The following DNAH9 variants were observed in gnomAD, a reference collection of about 807,000 sequenced individuals.
DNAH9 encodes the protein DNAH9 variant protein.
In DNAH9, 345 loss-of-function variants were observed where a neutral mutation model predicts 471.6. The observed-to-expected ratio is 0.73, with a 90% CI of 0.67 to 0.80. DNAH9 has a LOEUF of 0.80. Ranked by LOEUF, DNAH9 falls within the 30% of genes least tolerant of loss-of-function variation. The pLI, the probability that DNAH9 is intolerant of heterozygous loss-of-function variation, is 0.00. For synonymous variants in DNAH9, 2,093 were observed against 2,123.6 expected (o/e 0.99, Z 0.40); for missense variants, 5,407 against 5,609.2 (o/e 0.96, Z 1.15).
chr17:11,612,311 C>A, intron 4 of DNAH9: 1 of 204,160 alleles, frequency 4.9e-6, no homozygotes, highest in East Asian at 1.2e-4. Context: ...GGCTGGGACC[C>A]CTCATTAACT....
At chr17:11,864,819 G>C (rs11651144) in intron 50 of DNAH9, among the ~76,000 whole-genome samples, 70,407 of 150,446 alleles carry the variant, frequency 0.47, 17,005 homozygotes, top group Non-Finnish European at 0.53. Context: ...TTTAAAGTCT[G>C]TTTTATCAGA....
intron 1 of DNAH9, 68 bp downstream of exon 1, chr17:11,598,983 A>T: frequency 3.7e-6 from 3 of 808,186 alleles, no homozygotes; most frequent in Non-Finnish European, 3.3e-6. Flanking sequence ...GCCTTAAGGG[A>T]CGGAGGCGGG....
At chr17:11,723,503 T>C (rs1284013158) in intron 27 of DNAH9, 1 of 151,666 alleles carries the variant, frequency 6.6e-6, no homozygotes, top group African/African-American at 2.4e-5. Flanking sequence ...TACTTTAGGG[T>C]CCTGGGGTTC....
In DNAH9 at chr17:11,716,880, G is replaced by T. The variant is rs144916591; in HGVS notation, c.5553-2454G>T. 4.4e-3 allele frequency among the ~76,000 whole-genome samples: 675 copies of T among 152,332 alleles called. 3 individuals carry two copies. Among genetic ancestry groups the T allele is most frequent in the Non-Finnish European group, 7.8e-3 (529 of 68,024 alleles). On this transcript the variant is annotated intron_variant, in intron 26 of 68. Coordinates refer to ENST00000262442, the MANE Select transcript of DNAH9 (RefSeq NM_001372.4). ...AGACAGCTTGTCCTCCTGGGAGGCA[G>T]GGGGCCATGGCAGGCCCTGAGCAGT...
At chr17:11,828,301 T>A (rs765095374) in intron 48 of DNAH9, among the ~76,000 whole-genome samples, 5 of 151,848 alleles carry the variant, frequency 3.3e-5, no homozygotes, top group Non-Finnish European at 5.9e-5. Context: ...TGGTGAAACC[T>A]TGTCTCCACA....
At chr17:11,600,531 T>C (rs1245250661) in intron 1 of DNAH9, among the ~76,000 whole-genome samples, 1 of 152,184 alleles carries the variant, frequency 6.6e-6, no homozygotes, top group Non-Finnish European at 1.5e-5. Flanking sequence ...GAATTTTCAT[T>C]GGTGCATTGA....
At chr17:11,949,266 T>C (rs966639387) in intron 67 of DNAH9, among the ~76,000 whole-genome samples, 1 of 152,192 alleles carries the variant, frequency 6.6e-6, no homozygotes, top group African/African-American at 2.4e-5. Context: ...CAGAGTTTCA[T>C]TGCAATGCCA....
chr17:11,866,499 C>T (rs866811428), intron 50 of DNAH9, among the ~76,000 whole-genome samples: 100 of 152,244 alleles, frequency 6.6e-4, no homozygotes, highest in Non-Finnish European at 9.1e-4. Context: ...GCAGTCTGCC[C>T]GTTCTCAGAT....
intron 61 of DNAH9, among the ~76,000 whole-genome samples, chr17:11,908,198 A>G (rs1418438964): frequency 1.3e-5 from 2 of 152,188 alleles, no homozygotes; most frequent in Non-Finnish European, 2.9e-5. Flanking sequence ...CTGTATTTTC[A>G]TCTGAGTTTG....
chr17:11,600,488 A>G (rs1176782473), intron 1 of DNAH9, among the ~76,000 whole-genome samples: 2 of 152,202 alleles, frequency 1.3e-5, no homozygotes, highest in Non-Finnish European at 2.9e-5. Context: ...AAGAAAAATA[A>G]TTTTAAAATA....
intron 49 of DNAH9, among the ~76,000 whole-genome samples, chr17:11,837,878 GACCTTTGA>G (rs1341446462): frequency 6.6e-6 from 1 of 152,112 alleles, no homozygotes; most frequent in African/African-American, 2.4e-5. Flanking sequence ...CTCACCCCAG[GACCTTTGA>G]ACTAGTGCTT....
intron 17 of DNAH9, 148 bp downstream of exon 17, chr17:11,669,942 C>T: frequency 2.8e-6 from 2 of 707,698 alleles, no homozygotes; most frequent in South Asian, 1.8e-5. Flanking sequence ...TTTTGGACAC[C>T]ATGGTAACTT....
At chr17:11,928,679 G>T (rs1974406433) in intron 62 of DNAH9, among the ~76,000 whole-genome samples, 1 of 152,206 alleles carries the variant, frequency 6.6e-6, no homozygotes, top group South Asian at 2.1e-4. Flanking sequence ...AGCCTTGTTT[G>T]GTCTTTGAGC....
chr17:11,760,426 G>T (rs1408892911), intron 35 of DNAH9, among the ~76,000 whole-genome samples: 2 of 152,110 alleles, frequency 1.3e-5, no homozygotes, highest in Non-Finnish European at 2.9e-5. Context: ...TGAATATTCT[G>T]ACTGTATTAA....
intron 49 of DNAH9, among the ~76,000 whole-genome samples, chr17:11,842,695 T>A (rs1971073293): frequency 6.6e-6 from 1 of 152,168 alleles, no homozygotes; most frequent in South Asian, 2.1e-4. Context: ...AGGAGATAGA[T>A]AAAGGCCAGA....
Position 11,822,605 on chromosome 17 carries a change from A to C in DNAH9, c.9012+6A>C. 6.2e-7 allele frequency: 1 copy of C among 1,613,858 alleles called. No individual in the cohort carries two copies. Among genetic ancestry groups the C allele is most frequent in the Non-Finnish European group, 8.5e-7 (1 of 1,179,880 alleles). Reference sequence around the variant, plus strand: ...AGAACACAGAGGGCATTGAGGTGAGAGAGAAAAGGAGACACTCCTAAAAGT... The same window carrying C: ...AGAACACAGAGGGCATTGAGGTGAGCGAGAAAAGGAGACACTCCTAAAAGT... On this transcript the variant is annotated splice_donor_region_variant and intron_variant, in intron 47 of 68. Transcript: ENST00000262442.
At chr17:11,753,890 T>C (rs1455758150) in intron 33 of DNAH9, among the ~76,000 whole-genome samples, 1 of 152,194 alleles carries the variant, frequency 6.6e-6, no homozygotes, top group African/African-American at 2.4e-5. Context: ...CAGGGGTTTG[T>C]TGTACACATT....
At chr17:11,835,012 C>T (rs1406938590) in intron 49 of DNAH9, 114 bp downstream of exon 49, 5 of 1,361,406 alleles carry the variant, frequency 3.7e-6, no homozygotes, top group Non-Finnish European at 4.9e-6. Flanking sequence ...AGGGTGGGCT[C>T]CAACTGTCAC....
At chr17:11,935,439 G>A (rs1014355131) in intron 65 of DNAH9, among the ~76,000 whole-genome samples, 3 of 148,986 alleles carry the variant, frequency 2.0e-5, no homozygotes, top group South Asian at 4.2e-4. Context: ...GGAATAGCGC[G>A]ATCTCGGCTC....
Sources: gnomAD v4.1 joint callset for allele counts (sites outside exome capture counted in the v4.1 genomes callset) on GRCh38, gnomAD v4.1.1 for gene constraint, MANE v1.5 for transcripts, NCBI Gene and HGNC (gene_info 2026-07-23, HGNC 2026-07-21) for gene names.